Variants in COL25A1 observed in about 807,000 individuals in gnomAD.
COL25A1 encodes the protein collagen type XXV alpha 1 chain, also known as collagen alpha-1(XXV) chain.
Under a neutral mutation model 128.4 loss-of-function variants are expected in COL25A1, and 103 were observed. The ratio of observed to expected loss-of-function variants is 0.80; its 90% CI spans 0.68 to 0.94. COL25A1 has a LOEUF of 0.94. COL25A1 is among the 40% of genes least tolerant of loss of function. COL25A1 has a pLI of 0.00. For missense variants in COL25A1, 745 were observed against 840.0 expected, an observed-to-expected ratio of 0.89 and a Z score of 1.40; for synonymous variants, 279 against 277.2, an observed-to-expected ratio of 1.01 and a Z score of -0.06.
chr4:108,929,916 A>G (rs1468782071), intron 11 of COL25A1, among the ~76,000 whole-genome samples: 1 of 152,226 alleles, frequency 6.6e-6, no homozygotes, highest in African/African-American at 2.4e-5. Context: ...CCCTTGGGGC[A>G]TAATGACATG....
At chr4:109,181,662 C>CTAATA (rs1774637938) in intron 3 of COL25A1, among the ~76,000 whole-genome samples, 1 of 151,924 alleles carries the variant, frequency 6.6e-6, no homozygotes, top group Admixed American at 6.6e-5. Context: ...CTAAATTGAG[C>CTAATA]TAATAATTAA....
chr4:109,302,273 C>A lies in COL25A1; in HGVS notation c.-161G>T. On this transcript the variant is annotated 5_prime_UTR_variant, in exon 1 of 38. Transcript: ENST00000399132. ...CACCCTCCGTCCGGGGACTGGGTGG[C>A]GGTGGGGTAAAAAGCAAGACGAAAC... 1 of 484,656 alleles carries A rather than the reference C, an allele frequency of 2.1e-6. No individual in the cohort carries two copies. The highest frequency in any genetic ancestry group is 3.6e-6 in the Non-Finnish European group (1 of 279,120). 30.0% of individuals were successfully genotyped at this position (484,656 alleles called of 1,614,324 possible). A position where few individuals can be genotyped will look rare whatever the true frequency, so the allele number is the denominator to read the frequency against.
At chr4:109,038,028 A>T (rs1464915935) in intron 5 of COL25A1, among the ~76,000 whole-genome samples, 2 of 152,198 alleles carry the variant, frequency 1.3e-5, no homozygotes, top group Non-Finnish European at 2.9e-5. Flanking sequence ...GAAAGCCATG[A>T]AAGACAAGTG....
At chr4:109,002,210 G>A (rs1259977906) in intron 6 of COL25A1, among the ~76,000 whole-genome samples, 1 of 152,184 alleles carries the variant, frequency 6.6e-6, no homozygotes, top group Non-Finnish European at 1.5e-5. Flanking sequence ...CCACAGCTGG[G>A]TATATATCTG....
chr4:109,200,131 T>C (rs940631083), intron 3 of COL25A1, among the ~76,000 whole-genome samples: 14 of 152,226 alleles, frequency 9.2e-5, no homozygotes, highest in Non-Finnish European at 1.9e-4. Context: ...ATATATGAAA[T>C]GGTAACTTCC....
chr4:109,132,746 A>G (rs1422348116), intron 3 of COL25A1, among the ~76,000 whole-genome samples: 2 of 152,070 alleles, frequency 1.3e-5, no homozygotes, highest in South Asian at 4.1e-4. Flanking sequence ...TATTTTCAGG[A>G]GATAAAAGAT....
intron 12 of COL25A1, 26 bp from the exon 13 acceptor site, chr4:108,918,242 G>T: frequency 6.5e-7 from 1 of 1,528,396 alleles, no homozygotes; most frequent in Non-Finnish European, 8.9e-7. Context: ...ATTAAATTCA[G>T]TTGATATCAT....
chr4:109,030,637 G>C (rs1432755159), intron 5 of COL25A1, among the ~76,000 whole-genome samples: 1 of 152,328 alleles, frequency 6.6e-6, no homozygotes, highest in East Asian at 1.9e-4. Context: ...GAACTTTGAG[G>C]TAGGTCAAAG....
chr4:108,970,977 C>T (rs1359665549), intron 8 of COL25A1, among the ~76,000 whole-genome samples: 3 of 151,996 alleles, frequency 2.0e-5, no homozygotes, highest in Non-Finnish European at 4.4e-5. Context: ...TAAATCCTGC[C>T]ATTTTCTACT....
At chr4:109,231,714 T>C (rs79578320) in intron 3 of COL25A1, among the ~76,000 whole-genome samples, 1 of 152,318 alleles carries the variant, frequency 6.6e-6, no homozygotes, top group East Asian at 1.9e-4. Context: ...GAAAAGATGT[T>C]TCTTTATTGC....
intron 3 of COL25A1, among the ~76,000 whole-genome samples, chr4:109,140,936 G>T (rs1031185492): frequency 1.3e-5 from 2 of 152,080 alleles, no homozygotes; most frequent in Admixed American, 6.5e-5. Flanking sequence ...TCTTTCTCTT[G>T]CCTGAGTACC....
intron 26 of COL25A1, among the ~76,000 whole-genome samples, chr4:108,851,240 GAA>G (rs919621720): frequency 3.9e-5 from 6 of 151,964 alleles, no homozygotes; most frequent in African/African-American, 1.4e-4. Context: ...TGGAGAAATA[GAA>G]AGTTAAAAAT....
chr4:109,232,401 A>C (rs1284212873), intron 3 of COL25A1, among the ~76,000 whole-genome samples: 1 of 152,208 alleles, frequency 6.6e-6, no homozygotes, highest in African/African-American at 2.4e-5. Flanking sequence ...ATGTTAAGTA[A>C]CACTCCTATA....
chr4:109,085,630 C>T lies in COL25A1; in HGVS notation c.368-35451G>A, dbSNP rs141490214. Among the ~76,000 whole-genome samples the T allele has an allele frequency of 3.3e-5, 5 of 152,118 alleles. No individual in the cohort carries two copies. In the East Asian group the frequency reaches 9.6e-4, roughly 29 times the overall value. On this transcript the variant is annotated intron_variant, in intron 3 of 37. Transcript: ENST00000399132. ...CAAAAAGCCATCAAGGGATAGAATG[C>T]AAAAACTTTTGTCTAGCATTCAGTG...
chr4:109,119,754 AC>A (rs1054196296), intron 3 of COL25A1, among the ~76,000 whole-genome samples: 2 of 152,090 alleles, frequency 1.3e-5, no homozygotes, highest in Non-Finnish European at 2.9e-5. Context: ...GAAGATAGAA[AC>A]AGAGGAAGTA....
At chr4:108,899,341 A>G (rs939843770) in intron 14 of COL25A1, among the ~76,000 whole-genome samples, 161 bp from the exon 15 acceptor site, 2 of 152,212 alleles carry the variant, frequency 1.3e-5, no homozygotes, top group Admixed American at 1.3e-4. Context: ...TGATAAAATG[A>G]GTTTCCTGGA....
intron 6 of COL25A1, among the ~76,000 whole-genome samples, chr4:108,977,078 C>T (rs1752508691): frequency 6.6e-6 from 1 of 152,172 alleles, no homozygotes; most frequent in Admixed American, 6.5e-5. Flanking sequence ...TATTGGAACA[C>T]AGCTCTGGAA....
chr4:109,018,875 G>A (rs1757447603), intron 5 of COL25A1, among the ~76,000 whole-genome samples: 1 of 152,130 alleles, frequency 6.6e-6, no homozygotes, highest in African/African-American at 2.4e-5. Context: ...GTATTCTCTT[G>A]GCTTCTGTTC....
At chr4:109,216,328 A>AGG (rs1182815098) in intron 3 of COL25A1, among the ~76,000 whole-genome samples, 1 of 151,454 alleles carries the variant, frequency 6.6e-6, no homozygotes, top group Non-Finnish European at 1.5e-5. Context: ...GAAGGAAGGA[A>AGG]GGGGGGGCAG....
Sources: allele counts gnomAD v4.1 joint callset (sites outside exome capture counted in the v4.1 genomes callset), GRCh38; gene constraint gnomAD v4.1.1; transcripts MANE v1.5; gene names NCBI Gene and HGNC (gene_info 2026-07-23, HGNC 2026-07-21).